PARP12: variants seen among roughly 807,000 people sequenced by gnomAD.
The protein encoded by PARP12 is poly(ADP-ribose) polymerase family member 12, also known as protein mono-ADP-ribosyltransferase PARP12.
A neutral mutation model predicts 72.4 loss-of-function variants in PARP12; 59 were observed. The ratio of observed to expected loss-of-function variants is 0.81; its 90% CI spans 0.66 to 1.01. PARP12 has a LOEUF of 1.01. PARP12 is among the 50% of genes least tolerant of loss of function. PARP12 has a pLI of 0.00. For synonymous variants in PARP12, 403 were observed against 371.4 expected, an observed-to-expected ratio of 1.09 and a Z score of -0.98; for missense variants, 851 against 914.0, an observed-to-expected ratio of 0.93 and a Z score of 0.89.
At chr7:140,032,915 T>C (rs758225373) in intron 8 of PARP12, among the ~76,000 whole-genome samples, 40 of 152,170 alleles carry the variant, frequency 2.6e-4, no homozygotes, top group Non-Finnish European at 5.0e-4. Context: ...TGACTTTTAA[T>C]CACGTGAAGG....
chr7:140,043,149 G>A (rs1453568076), intron 5 of PARP12, among the ~76,000 whole-genome samples: 6 of 152,154 alleles, frequency 3.9e-5, no homozygotes, highest in African/African-American at 7.2e-5. Flanking sequence ...AGCTGAGACC[G>A]CACCACTGCG....
In PARP12 at chr7:140,026,291, C is replaced by G; in HGVS notation, c.1686G>C (p.Leu562=). 6.2e-7 allele frequency: 1 copy of G among 1,613,520 alleles called. No individual in the cohort carries two copies. The highest frequency in any genetic ancestry group is 8.5e-7 in the Non-Finnish European group (1 of 1,179,984). ...NGGKAVDERQ[L]FHGTSAIFVD... ...CAAAAATGGCGCTGGTGCCGTGGAA[C>G]AGCTGCCGCTCGTCCACGGCCTTCC... The change falls in exon 11 of 12, where the codon CTG becomes CTC. Residue 562 remains leucine, a synonymous_variant. Transcript: ENST00000263549.
chr7:140,049,734 C>A (rs896959577), intron 4 of PARP12, among the ~76,000 whole-genome samples: 1 of 152,142 alleles, frequency 6.6e-6, no homozygotes, highest in Non-Finnish European at 1.5e-5. Context: ...AGCTATAGAC[C>A]ACACTGTTCA....
chr7:140,062,097 A>G (rs1489095782), intron 1 of PARP12, among the ~76,000 whole-genome samples: 1 of 151,984 alleles, frequency 6.6e-6, no homozygotes, highest in Non-Finnish European at 1.5e-5. Flanking sequence ...TAAGCAGATT[A>G]ATAGGGTTGA....
At chr7:140,046,071 T>G (rs1405948162) in intron 5 of PARP12, among the ~76,000 whole-genome samples, 1 of 152,238 alleles carries the variant, frequency 6.6e-6, no homozygotes, top group Non-Finnish European at 1.5e-5. Flanking sequence ...CACAAGTGTA[T>G]GTATTTGTCA....
chr7:140,032,322 C>T (rs148050585), intron 8 of PARP12, among the ~76,000 whole-genome samples: 9 of 151,714 alleles, frequency 5.9e-5, no homozygotes, highest in Admixed American at 2.6e-4. Context: ...ACCTAACAGT[C>T]GACCTCCAAA....
chr7:140,046,743 T>TGTGTGTGTGTGTG (rs1382212792), intron 5 of PARP12, 141 bp downstream of exon 5: 11 of 858,550 alleles, frequency 1.3e-5, no homozygotes, highest in Non-Finnish European at 1.6e-5. Flanking sequence ...TGTGTGTGTG[T>TGTGTGTGTGTGTG]GTGTGTGTGT....
chr7:140,035,932 GGAGGAGGAGGAGGAGGAGGAC>G lies in PARP12; in HGVS notation c.1325-1622_1325-1602del, dbSNP rs1569526860. Reference sequence around the variant, plus strand: ...AGGAGGACAAGGAGGAGGACAAGGAGGAGGAGGAGGAGGAGGAGGACGAGGAGGAGGAGGAGGACGAGGAGG... The same window carrying G: ...AGGAGGACAAGGAGGAGGACAAGGAGGAGGAGGAGGAGGAGGACGAGGAGG... On this transcript the variant is annotated intron_variant, in intron 7 of 11. Transcript: ENST00000263549. Among the ~76,000 whole-genome samples, 29 of 121,328 alleles carry G rather than the reference GGAGGAGGAGGAGGAGGAGGAC, an allele frequency of 2.4e-4. 1 individual carries two copies. Among genetic ancestry groups the G allele is most frequent in the African/African-American group, 1.0e-3 (27 of 26,460 alleles). The allele number at this position is 121,328 out of a possible 152,430, so 79.6% of individuals were successfully genotyped here. A position where few individuals can be genotyped will look rare whatever the true frequency, so the allele number is the denominator to read the frequency against.
At chr7:140,035,372 G>A (rs1404277784) in intron 7 of PARP12, among the ~76,000 whole-genome samples, 1 of 152,202 alleles carries the variant, frequency 6.6e-6, no homozygotes, top group Non-Finnish European at 1.5e-5. Context: ...AATCTTAAAT[G>A]GCTTTCACTG....
intron 7 of PARP12, among the ~76,000 whole-genome samples, chr7:140,037,432 C>A (rs188436519): frequency 9.2e-5 from 14 of 152,386 alleles, no homozygotes; most frequent in Non-Finnish European, 1.8e-4. Flanking sequence ...TCGGATACAG[C>A]AGGACAACCA....
At chr7:140,038,315 G>A (rs577002601) in intron 6 of PARP12, 1 of 984,016 alleles carries the variant, frequency 1.0e-6, no homozygotes, top group Non-Finnish European at 1.2e-6. Context: ...CTGGTCCCTA[G>A]GAGCATTCAT....
At position 140,044,019 on chromosome 7, in the gene PARP12, A is replaced by T. The variant is rs539017968; in HGVS notation, c.987-2180T>A. 8.5e-5 allele frequency among the ~76,000 whole-genome samples: 13 copies of T among 152,352 alleles called. No homozygotes were observed. The East Asian group carries it at 1.7e-3, about 20-fold the overall frequency. On this transcript the variant is annotated intron_variant, in intron 5 of 11. Coordinates refer to ENST00000263549, the MANE Select transcript of PARP12 (RefSeq NM_022750.4). ...AGATAAAGTGAGAAGACTTCACCAT[A>T]TATCTAATGAGAATTCCAGAGAAGG...
chr7:140,041,948 C>T (rs1044967804), intron 5 of PARP12, 109 bp from the exon 6 acceptor site: 20 of 955,084 alleles, frequency 2.1e-5, no homozygotes, highest in Middle Eastern at 3.2e-4. Context: ...ATGTGGCATG[C>T]ACATTTTAGA....
chr7:140,036,264 T>G (rs1816193522), intron 7 of PARP12, among the ~76,000 whole-genome samples: 1 of 152,206 alleles, frequency 6.6e-6, no homozygotes, highest in Non-Finnish European at 1.5e-5. Flanking sequence ...TTTCCAGATA[T>G]TTAAAAGAAA....
At position 140,036,022 on chromosome 7, in the gene PARP12, G is replaced by GGAGGAGAAA. The variant is rs1435095143; in HGVS notation, c.1324+1692_1325-1691insTTTCTCCTC. On this transcript the variant is annotated intron_variant, in intron 7 of 11. Transcript: ENST00000263549. ...AGGAGAAGGAGGAGAAGGAGGAGAA[G>GGAGGAGAAA]GAGGAGAAGGAGGAGAAGGAGGAGA... 2.7e-5 allele frequency among the ~76,000 whole-genome samples: 2 copies of GGAGGAGAAA among 74,766 alleles called. 1 individual carries two copies. The highest frequency in any genetic ancestry group is 4.7e-5 in the Non-Finnish European group (2 of 42,108). 49.0% of individuals were successfully genotyped at this position (74,766 alleles called of 152,430 possible). A position where few individuals can be genotyped will look rare whatever the true frequency, so the allele number is the denominator to read the frequency against.
At chr7:140,033,604 A>G (rs1365002314) in intron 8 of PARP12, 2 of 985,206 alleles carry the variant, frequency 2.0e-6, no homozygotes, top group African/African-American at 1.7e-5. Context: ...CACCTCCCCA[A>G]GCCTAAAATA....
At chr7:140,062,406 A>G (rs1189794353) in intron 1 of PARP12, 116 bp downstream of exon 1, 8 of 1,056,952 alleles carry the variant, frequency 7.6e-6, no homozygotes, top group East Asian at 3.1e-5. Flanking sequence ...GTGCGAGGTC[A>G]GGGCAGAGCC....
At chr7:140,031,451 C>T (rs981751077) in intron 8 of PARP12, among the ~76,000 whole-genome samples, 2 of 152,200 alleles carry the variant, frequency 1.3e-5, no homozygotes, top group Non-Finnish European at 2.9e-5. Context: ...ATGGACATTA[C>T]ATTTTATGAC....
chr7:140,039,838 G>A (rs935855942), intron 6 of PARP12, among the ~76,000 whole-genome samples: 3 of 152,174 alleles, frequency 2.0e-5, no homozygotes, highest in Admixed American at 6.5e-5. Flanking sequence ...CCACTAGCAC[G>A]TGGCATATCA....
Sources: allele counts gnomAD v4.1 joint callset (sites outside exome capture counted in the v4.1 genomes callset), GRCh38; gene constraint gnomAD v4.1.1; transcripts MANE v1.5; gene names NCBI Gene and HGNC (gene_info 2026-07-23, HGNC 2026-07-21).